The following ANKRD13C variants were observed in gnomAD, a reference collection of about 807,000 sequenced individuals.
The protein encoded by ANKRD13C is ankyrin repeat domain 13C.
In ANKRD13C, 16 loss-of-function variants were observed where a neutral mutation model predicts 65.5. The ratio of observed to expected loss-of-function variants is 0.24; its 90% CI spans 0.17 to 0.37. The LOEUF is 0.37. Ranked by LOEUF, ANKRD13C falls within the 10% of genes least tolerant of loss-of-function variation. ANKRD13C has a pLI of 1.00. For missense variants in ANKRD13C, 503 were observed against 655.9 expected (o/e 0.77, Z 2.55); for synonymous variants, 235 against 238.7 (o/e 0.98, Z 0.14).
At chr1:70,304,691 AC>A (rs1177777943) in intron 6 of ANKRD13C, among the ~76,000 whole-genome samples, 2 of 152,230 alleles carry the variant, frequency 1.3e-5, no homozygotes, top group African/African-American at 4.8e-5. Flanking sequence ...GAGTCACCAC[AC>A]CCGGCCTAAA....
chr1:70,273,920 T>C (rs998220412), intron 11 of ANKRD13C, among the ~76,000 whole-genome samples: 1 of 151,746 alleles, frequency 6.6e-6, no homozygotes, highest in Non-Finnish European at 1.5e-5. Context: ...CCTCCCAAAG[T>C]ACTGGGATTA....
chr1:70,336,048 AT>A lies in ANKRD13C; in HGVS notation c.472+9del. ...GAAGTTAAACATAAAAAAAGAAAATATTTACTAACCTTTATTTCCTAACATC... is the reference window on the plus strand; with the variant it reads ...GAAGTTAAACATAAAAAAAGAAAATATTACTAACCTTTATTTCCTAACATC... On this transcript the variant is annotated intron_variant, in intron 2 of 12. Transcript: ENST00000370944. 1.2e-6 allele frequency: 1 copy of A among 808,828 alleles called. No individual in the cohort carries two copies. Among genetic ancestry groups the A allele is most frequent in the Non-Finnish European group, 1.7e-6 (1 of 574,714 alleles). 50.1% of individuals were successfully genotyped at this position (808,828 alleles called of 1,614,324 possible). A position where few individuals can be genotyped will look rare whatever the true frequency, so the allele number is the denominator to read the frequency against.
chr1:70,292,652 A>G lies in ANKRD13C; in HGVS notation c.1054-103T>C, dbSNP rs890153742. On this transcript the variant is annotated intron_variant, in intron 8 of 12. Transcript: ENST00000370944. ...ATGTAACATGTAGGTGAAAATAAAT[A>G]TTCCTTTGGTACTTGAAATTATCAA... 4.9e-6 allele frequency: 4 copies of G among 818,268 alleles called. No individual in the cohort carries two copies. The African/African-American group carries it at 7.1e-5, about 14-fold the overall frequency. The allele number at this position is 818,268 out of a possible 1,614,324, so 50.7% of individuals were successfully genotyped here. A position where few individuals can be genotyped will look rare whatever the true frequency, so the allele number is the denominator to read the frequency against.
intron 5 of ANKRD13C, among the ~76,000 whole-genome samples, chr1:70,310,689 A>G (rs1315358607): frequency 1.3e-5 from 2 of 152,348 alleles, no homozygotes; most frequent in African/African-American, 4.8e-5. Flanking sequence ...TTGTTCAGCA[A>G]TATACATTGA....
chr1:70,271,039 C>T, intron 11 of ANKRD13C, 83 bp from the exon 12 acceptor site: 1 of 804,314 alleles, frequency 1.2e-6, no homozygotes, highest in South Asian at 1.6e-5. Flanking sequence ...TGCTTCAAAC[C>T]TGGACAGTAG....
intron 12 of ANKRD13C, 115 bp from the exon 13 acceptor site, chr1:70,262,962 A>T: frequency 7.5e-6 from 6 of 801,120 alleles, no homozygotes; most frequent in Non-Finnish European, 1.1e-5. Flanking sequence ...AAAAAAAAAT[A>T]CTCAAGAACC....
At chr1:70,289,407 A>G (rs958519368) in intron 9 of ANKRD13C, among the ~76,000 whole-genome samples, 15 of 152,170 alleles carry the variant, frequency 9.9e-5, no homozygotes, top group African/African-American at 3.4e-4. Context: ...CAGTCCATGA[A>G]ACAGCATTCT....
At chr1:70,275,182 C>T (rs1679075320) in intron 10 of ANKRD13C, among the ~76,000 whole-genome samples, 1 of 152,144 alleles carries the variant, frequency 6.6e-6, no homozygotes, top group African/African-American at 2.4e-5. Flanking sequence ...CTGTCTATTA[C>T]AGCCTCTGCA....
intron 9 of ANKRD13C, among the ~76,000 whole-genome samples, chr1:70,280,332 A>T (rs532875193): frequency 6.6e-6 from 1 of 152,318 alleles, no homozygotes; most frequent in South Asian, 2.1e-4. Flanking sequence ...AGTCTAAAAA[A>T]GAACAAAAGA....
intron 11 of ANKRD13C, among the ~76,000 whole-genome samples, chr1:70,272,006 T>G (rs1165079667): frequency 6.6e-6 from 1 of 152,174 alleles, no homozygotes; most frequent in East Asian, 1.9e-4. Flanking sequence ...TCTACTGTAT[T>G]TGTTTTGTAA....
chr1:70,296,097 G>A (rs767507008), intron 8 of ANKRD13C, 33 bp downstream of exon 8: 40 of 1,605,240 alleles, frequency 2.5e-5, no homozygotes, highest in South Asian at 4.5e-5. Context: ...ACCGAACAAT[G>A]CTTAAAGTTT....
At chr1:70,311,791 T>C (rs1239249247) in intron 5 of ANKRD13C, among the ~76,000 whole-genome samples, 1 of 152,160 alleles carries the variant, frequency 6.6e-6, no homozygotes, top group Non-Finnish European at 1.5e-5. Flanking sequence ...CTTGTATTAG[T>C]CAAAGCTAAC....
At chr1:70,306,332 T>C in intron 5 of ANKRD13C, 42 bp from the exon 6 acceptor site, 1 of 1,274,452 alleles carries the variant, frequency 7.8e-7, no homozygotes, top group South Asian at 1.6e-5. Flanking sequence ...ACTACCTAAA[T>C]TTTGAGATAT....
At chr1:70,332,434 T>C (rs573668307) in intron 2 of ANKRD13C, among the ~76,000 whole-genome samples, 1 of 152,320 alleles carries the variant, frequency 6.6e-6, no homozygotes, top group Non-Finnish European at 1.5e-5. Flanking sequence ...CTTCAATGGA[T>C]GCAAAGAAAC....
At chr1:70,288,019 C>A (rs919632321) in intron 9 of ANKRD13C, among the ~76,000 whole-genome samples, 10 of 151,708 alleles carry the variant, frequency 6.6e-5, no homozygotes, top group African/African-American at 2.2e-4. Flanking sequence ...GACCATGTCT[C>A]AGAAACAACA....
rs1472389972 is a variant in ANKRD13C at position 70,324,915 on chromosome 1, A to C, written c.515T>G (p.Val172Gly). 6.2e-7 allele frequency: 1 copy of C among 1,611,610 alleles called. No homozygotes were observed. Among genetic ancestry groups the C allele is most frequent in the Non-Finnish European group, 8.5e-7 (1 of 1,178,580 alleles). ...LLLAHNAPVK[V>G]KNAQGWSPLA... is the part of the protein sequence containing the mutation. ...AGGGCTCCATCCCTGAGCATTTTTC[A>C]CCTTGACTGGAGCATTGTGAGCCAA... Residue 172 changes from valine (V) to glycine (G), a missense_variant, in exon 3 of 13, where the codon GTG (valine) becomes GGG (glycine). Transcript: ENST00000370944.
rs902984246 is a variant in ANKRD13C at position 70,260,626 on chromosome 1, G to A, written c.*2091C>T. 8.5e-5 allele frequency: 13 copies of A among 152,084 alleles called. No individual in the cohort carries two copies. The highest frequency in any genetic ancestry group is 6.2e-4 in the South Asian group (3 of 4,820). 9.4% of individuals were successfully genotyped at this position (152,084 alleles called of 1,614,324 possible). On this transcript the variant is annotated 3_prime_UTR_variant, in exon 13 of 13. Transcript: ENST00000370944. ...ATACTGTGAAAAGTTTATTTGCATC[G>A]ATTAATTCCTTTTTTTCACCATCAT...
rs902445325 is a variant in ANKRD13C at position 70,283,874 on chromosome 1, A to G, written c.1216-7030T>C. ...GCTTAACTCAATATTCTGAACATAT[A>G]GTTGGCACAGTATAAGTGCTTTTAT... On this transcript the variant is annotated intron_variant, in intron 9 of 12. Transcript: ENST00000370944. Among the ~76,000 whole-genome samples, 6 of 152,198 alleles carry G rather than the reference A, an allele frequency of 3.9e-5. No individual in the cohort carries two copies. In the East Asian group the frequency reaches 9.6e-4, roughly 24 times the overall value.
chr1:70,341,355 T>G (rs571865511), intron 1 of ANKRD13C, among the ~76,000 whole-genome samples: 1 of 146,506 alleles, frequency 6.8e-6, no homozygotes, highest in East Asian at 2.1e-4. Context: ...TCTACCATCT[T>G]TTTGTGTGTT....
Sources: gnomAD v4.1 joint callset for allele counts (sites outside exome capture counted in the v4.1 genomes callset) on GRCh38, gnomAD v4.1.1 for gene constraint, MANE v1.5 for transcripts, NCBI Gene and HGNC (gene_info 2026-07-23, HGNC 2026-07-21) for gene names.